Variants in FAM133A observed in about 807,000 individuals in gnomAD.
The protein encoded by FAM133A is family with sequence similarity 133 member A.
For missense variants in FAM133A, 159 were observed against 164.4 expected, an observed-to-expected ratio of 0.97 and a Z score of 0.18; for synonymous variants, 65 against 58.6, an observed-to-expected ratio of 1.11 and a Z score of -0.50.
intron 2 of FAM133A, among the ~76,000 whole-genome samples, chrX:93,683,156 G>C (rs1214885894): frequency 8.9e-6 from 1 of 111,761 alleles, no homozygotes; most frequent in African/African-American, 3.3e-5. Context: ...AGAGTCTTCA[G>C]AAGAAAAATT....
chrX:93,706,251 T>G (rs1927037803), intron 3 of FAM133A, among the ~76,000 whole-genome samples: 1 of 112,196 alleles, frequency 8.9e-6, no homozygotes, highest in South Asian at 3.7e-4. Context: ...AGGATTCTTA[T>G]GCTCACCTTG....
At chrX:93,709,055 A>C (rs1357074128) in intron 3 of FAM133A, among the ~76,000 whole-genome samples, 1 of 111,938 alleles carries the variant, frequency 8.9e-6, no homozygotes, top group Non-Finnish European at 1.9e-5. Flanking sequence ...ACAATGTAAG[A>C]GAAAATGGCT....
intron 2 of FAM133A, among the ~76,000 whole-genome samples, chrX:93,689,432 T>C (rs1363959837): frequency 8.9e-6 from 1 of 112,211 alleles, no homozygotes; most frequent in Non-Finnish European, 1.9e-5. Context: ...AAAGGAATAC[T>C]AATCCGCTAT....
chrX:93,696,595 G>T (rs1569350562), intron 2 of FAM133A, among the ~76,000 whole-genome samples: 1 of 111,535 alleles, frequency 9.0e-6, no homozygotes. Context: ...GACATAGGGG[G>T]AGGGGAAACT....
At position 93,711,553 on chromosome X, in the gene FAM133A, G is replaced by A. The variant is rs1481787794; in HGVS notation, c.*1387G>A. Reference sequence around the variant, plus strand: ...CTCAAAACCACCTGTGATGGAGGATGTGCTAATTGTAATGTCATAGGTACA... The same window carrying A: ...CTCAAAACCACCTGTGATGGAGGATATGCTAATTGTAATGTCATAGGTACA... On this transcript the variant is annotated 3_prime_UTR_variant, in exon 4 of 4. Transcript: ENST00000683942. 1 of 123,037 alleles carries A rather than the reference G, an allele frequency of 8.1e-6. No homozygotes were observed. Among genetic ancestry groups the A allele is most frequent in the Non-Finnish European group, 1.9e-5 (1 of 53,190 alleles). 10.1% of individuals were successfully genotyped at this position (123,037 alleles called of 1,213,427 possible).
chrX:93,689,335 C>A lies in FAM133A; in HGVS notation c.-192-9062C>A, dbSNP rs1925743569. On this transcript the variant is annotated intron_variant, in intron 2 of 3. Transcript: ENST00000683942. ...GGGATTACAGGCATGAGCCACTGCA[C>A]CTGGCCACAGCAATCATTTTTTAAT... Among the ~76,000 whole-genome samples the A allele has an allele frequency of 2.7e-5, 3 of 111,134 alleles. No homozygotes were observed. The Admixed American group carries it at 2.9e-4, about 11-fold the overall frequency.
At chrX:93,694,905 A>G (rs1926124932) in intron 2 of FAM133A, among the ~76,000 whole-genome samples, 1 of 112,059 alleles carries the variant, frequency 8.9e-6, no homozygotes, top group Middle Eastern at 4.6e-3. Flanking sequence ...TGGTTATCAA[A>G]CTAAACATTC....
chrX:93,687,048 C>CG (rs1925575259), intron 2 of FAM133A, among the ~76,000 whole-genome samples: 2 of 112,276 alleles, frequency 1.8e-5, no homozygotes, highest in African/African-American at 3.2e-5. Context: ...GGATGTATGA[C>CG]TGCACATGCA....
In FAM133A at chrX:93,709,425, G is replaced by A; in HGVS notation, c.6G>A (p.Gly2=). 1 of 1,154,273 alleles carries A rather than the reference G, an allele frequency of 8.7e-7. No homozygotes were observed. The highest frequency in any genetic ancestry group is 1.1e-6 in the Non-Finnish European group (1 of 872,587). Residue 2 remains glycine (G), a synonymous_variant, in exon 4 of 4, where the codon GGG becomes GGA. Transcript: ENST00000683942. The part of the protein sequence containing the change: M[G]KRDNRVAYMN... ...CCTTGGAAACATCAGGCACCATGGGGAAGCGGGATAATCGGGTAGCCTATA... is the reference window on the plus strand; with the variant it reads ...CCTTGGAAACATCAGGCACCATGGGAAAGCGGGATAATCGGGTAGCCTATA...
chrX:93,701,996 G>T (rs1926736140), intron 3 of FAM133A, among the ~76,000 whole-genome samples: 1 of 111,965 alleles, frequency 8.9e-6, no homozygotes, highest in Non-Finnish European at 1.9e-5. Flanking sequence ...TGATGACTCA[G>T]TCATATCACC....
intron 3 of FAM133A, among the ~76,000 whole-genome samples, chrX:93,699,075 G>A (rs1926514883): frequency 9.0e-6 from 1 of 111,187 alleles, no homozygotes; most frequent in Non-Finnish European, 1.9e-5. Context: ...GCATATCAGG[G>A]ATACTGAAAG....
upstream of FAM133A, among the ~76,000 whole-genome samples, chrX:93,673,852 G>GA (rs753137316): frequency 8.4e-5 from 9 of 106,632 alleles, no homozygotes; most frequent in South Asian, 8.3e-4. Flanking sequence ...AATTAAAAAA[G>GA]AAAAAAAAGC....
At chrX:93,707,174 T>G (rs1036974624) in intron 3 of FAM133A, among the ~76,000 whole-genome samples, 3 of 112,066 alleles carry the variant, frequency 2.7e-5, no homozygotes, top group African/African-American at 9.7e-5. Context: ...AACTGAAGTA[T>G]TTAAGAGTTT....
intron 2 of FAM133A, among the ~76,000 whole-genome samples, chrX:93,677,884 T>G (rs182947230): frequency 8.0e-5 from 9 of 111,889 alleles, no homozygotes; most frequent in Non-Finnish European, 1.3e-4. Context: ...GTATATAAGT[T>G]TTGTATGGAC....
intron 2 of FAM133A, among the ~76,000 whole-genome samples, chrX:93,679,664 A>G (rs1320945620): frequency 1.8e-5 from 2 of 110,120 alleles, no homozygotes; most frequent in African/African-American, 6.6e-5. Flanking sequence ...ATTTTAACAT[A>G]TATATTACCG....
At chrX:93,689,050 A>ATT (rs35627093) in intron 2 of FAM133A, among the ~76,000 whole-genome samples, 5 of 96,975 alleles carry the variant, frequency 5.2e-5, no homozygotes, top group African/African-American at 3.8e-5. Flanking sequence ...GGTAACAGCA[A>ATT]TTTTTTTTTT....
chrX:93,694,351 A>G (rs1355233319), intron 2 of FAM133A, among the ~76,000 whole-genome samples: 2 of 111,098 alleles, frequency 1.8e-5, no homozygotes, highest in Non-Finnish European at 3.8e-5. Context: ...TTAAAAGTTG[A>G]TTGCTTGTAC....
At chrX:93,708,462 G>A (rs1264802577) in intron 3 of FAM133A, among the ~76,000 whole-genome samples, 2 of 111,982 alleles carry the variant, frequency 1.8e-5, no homozygotes, top group African/African-American at 6.5e-5. Flanking sequence ...AGAGGTTGAT[G>A]TAAGGAGACA....
chrX:93,693,350 T>TGA (rs770514811), intron 2 of FAM133A, among the ~76,000 whole-genome samples: 22 of 108,858 alleles, frequency 2.0e-4, no homozygotes, highest in South Asian at 3.9e-4. Context: ...CCTAAAAGCT[T>TGA]GAGAGAGAGA....
Sources: gnomAD v4.1 joint callset for allele counts (sites outside exome capture counted in the v4.1 genomes callset) on GRCh38, gnomAD v4.1.1 for gene constraint, MANE v1.5 for transcripts, NCBI Gene and HGNC (gene_info 2026-07-23, HGNC 2026-07-21) for gene names.